EXPH5: variants seen among roughly 807,000 people sequenced by gnomAD.
The protein encoded by EXPH5 is exophilin-5.
In EXPH5, 42 loss-of-function variants were observed where a neutral mutation model predicts 41.1. The ratio of observed to expected loss-of-function variants is 1.02; its 90% CI spans 0.80 to 1.32. The LOEUF (loss-of-function observed/expected upper bound fraction) is 1.32, where lower values mean the gene tolerates loss of function less well. EXPH5 is among the 40% of genes most tolerant of loss of function. The pLI, the probability that EXPH5 is intolerant of heterozygous loss-of-function variation, is 0.00. For missense variants in EXPH5, 2,298 were observed against 2,314.5 expected (o/e 0.99, Z 0.15); for synonymous variants, 798 against 833.5 (o/e 0.96, Z 0.73).
intron 1 of EXPH5, among the ~76,000 whole-genome samples, chr11:108,550,083 G>A (rs993109099): frequency 6.6e-6 from 1 of 152,202 alleles, no homozygotes; most frequent in Non-Finnish European, 1.5e-5. Flanking sequence ...GACAACTACT[G>A]TTAAGAGGCA....
At chr11:108,542,695 T>C (rs191297722) in intron 1 of EXPH5, among the ~76,000 whole-genome samples, 218 of 152,230 alleles carry the variant, frequency 1.4e-3, no homozygotes, top group African/African-American at 5.0e-3. Context: ...AGAAAAGAAA[T>C]TATTGAATGT....
chr11:108,583,984 G>A (rs2094106342), intron 1 of EXPH5, among the ~76,000 whole-genome samples: 1 of 152,106 alleles, frequency 6.6e-6, no homozygotes, highest in South Asian at 2.1e-4. Context: ...AAGTGGTAGG[G>A]TACAAGATCA....
chr11:108,600,097 A>T, the EXPH5 span, among the ~76,000 whole-genome samples: 1 of 152,158 alleles, frequency 6.6e-6, no homozygotes, highest in African/African-American at 2.4e-5. Flanking sequence ...TATTGTATGG[A>T]GATGGGGGAA....
At position 108,539,281 on chromosome 11, in the gene EXPH5, C is replaced by T. The variant is rs1591712554; in HGVS notation, c.281-95G>A. On this transcript the variant is annotated intron_variant, in intron 2 of 5. Coordinates refer to ENST00000265843, the MANE Select transcript of EXPH5 (RefSeq NM_015065.3). ...TTTGCTCTTGTGTCACTTTCTCCCTCTTATGCAGACTAGAAACAGGGCAGG... is the reference window on the plus strand; with the variant it reads ...TTTGCTCTTGTGTCACTTTCTCCCTTTTATGCAGACTAGAAACAGGGCAGG... 5.5e-6 allele frequency: 5 copies of T among 914,602 alleles called. No homozygotes were observed. In the East Asian group the frequency reaches 1.0e-4, roughly 18 times the overall value. 56.7% of individuals were successfully genotyped at this position (914,602 alleles called of 1,614,324 possible).
chr11:108,593,544 A>G lies in EXPH5; in HGVS notation c.-8T>C. On this transcript the variant is annotated 5_prime_UTR_variant, in exon 1 of 6. Coordinates refer to ENST00000265843, the MANE Select transcript of EXPH5 (RefSeq NM_015065.3). ...CGGAGGAACTTTCGTCATTTTCTTT[A>G]CTGTGTGTGAGTTACACTTAAGCTC... The G allele has an allele frequency of 6.2e-7, 1 of 1,614,124 alleles. No homozygotes were observed. Among genetic ancestry groups the G allele is most frequent in the African/African-American group, 1.3e-5 (1 of 75,024 alleles).
chr11:108,587,158 A>C (rs1264495286), intron 1 of EXPH5, among the ~76,000 whole-genome samples: 4 of 152,172 alleles, frequency 2.6e-5, no homozygotes, highest in Non-Finnish European at 5.9e-5. Context: ...GTTTTAGGGT[A>C]CATGTGCACA....
intron 1 of EXPH5, among the ~76,000 whole-genome samples, chr11:108,583,865 TAA>T (rs1355930513): frequency 1.3e-5 from 2 of 151,908 alleles, no homozygotes; most frequent in Non-Finnish European, 2.9e-5. Context: ...AAGGAAAAAA[TAA>T]AACCATCACC....
intron 1 of EXPH5, among the ~76,000 whole-genome samples, chr11:108,545,461 A>G (rs1160364477): frequency 6.6e-6 from 1 of 152,158 alleles, no homozygotes; most frequent in Non-Finnish European, 1.5e-5. Flanking sequence ...TCCAATAACA[A>G]TATTGATATA....
chr11:108,561,138 C>G (rs948066504), intron 1 of EXPH5, among the ~76,000 whole-genome samples: 9 of 152,006 alleles, frequency 5.9e-5, no homozygotes, highest in African/African-American at 2.2e-4. Flanking sequence ...AGCCTATTTC[C>G]CAAAAATGAA....
intron 3 of EXPH5, among the ~76,000 whole-genome samples, chr11:108,530,202 G>C (rs960007448): frequency 6.6e-6 from 1 of 152,052 alleles, no homozygotes; most frequent in Admixed American, 6.6e-5. Context: ...GTTAAATACT[G>C]CTTTTATTTT....
chr11:108,522,038 A>G (rs1010841731), intron 4 of EXPH5, among the ~76,000 whole-genome samples: 1 of 152,102 alleles, frequency 6.6e-6, no homozygotes, highest in Admixed American at 6.6e-5. Context: ...CTCTGGTTTT[A>G]TTTCTGCCCA....
chr11:108,593,054 C>A (rs889564219), intron 1 of EXPH5, among the ~76,000 whole-genome samples: 8 of 152,202 alleles, frequency 5.3e-5, no homozygotes, highest in African/African-American at 1.7e-4. Context: ...CTCTCCAGAT[C>A]GCGCCCCCGC....
At chr11:108,565,807 C>T (rs533203331) in intron 1 of EXPH5, among the ~76,000 whole-genome samples, 2 of 152,262 alleles carry the variant, frequency 1.3e-5, no homozygotes, top group East Asian at 1.9e-4. Flanking sequence ...CCTATGACTC[C>T]GTCATTTAAA....
intron 1 of EXPH5, among the ~76,000 whole-genome samples, chr11:108,543,196 A>G (rs1395249133): frequency 6.6e-6 from 1 of 152,100 alleles, no homozygotes; most frequent in Non-Finnish European, 1.5e-5. Context: ...CTGAAATCCT[A>G]TTACTTTTTT....
intron 4 of EXPH5, among the ~76,000 whole-genome samples, chr11:108,518,887 C>T (rs994366999): frequency 3.9e-5 from 6 of 152,280 alleles, no homozygotes; most frequent in African/African-American, 1.2e-4. Flanking sequence ...TCTGGTCGTC[C>T]TAACTGCTAC....
At position 108,512,576 on chromosome 11, in the gene EXPH5, C is replaced by A. The variant is rs116292328; in HGVS notation, c.2931G>T (p.Arg977Ser). 1.9e-6 allele frequency: 3 copies of A among 1,612,112 alleles called. No individual in the cohort carries two copies. The highest frequency in any genetic ancestry group is 1.7e-5 in the Admixed American group (1 of 59,588). ...FRNERGKGKIRHHISCIEKLS... is the reference protein window; with the variant it reads ...FRNERGKGKISHHISCIEKLS... The stretch of plus-strand genomic sequence containing the variant: ...ACTTTTCAATACAGGATATATGATG[C>A]CTTATTTTTCCTTTTCCTCTTTCAT... Residue 977 changes from arginine (R) to serine (S), a missense_variant, in exon 6 of 6, where the codon AGG becomes AGT. Transcript: ENST00000265843.
intron 1 of EXPH5, among the ~76,000 whole-genome samples, chr11:108,573,139 GGAAAGAAAGAAAGAAA>G (rs3054581): frequency 0.018 from 1,669 of 90,526 alleles, 26 homozygotes; most frequent in African/African-American, 0.058. Flanking sequence ...AAGGAAAGAA[GGAAAGAAAGAAAGAAA>G]GAAAGAAAGA....
chr11:108,572,260 CTAAA>C (rs2094062983), intron 1 of EXPH5, among the ~76,000 whole-genome samples: 1 of 152,170 alleles, frequency 6.6e-6, no homozygotes. Context: ...AGTTGCCTGA[CTAAA>C]TAGCTCCGGG....
At chr11:108,596,918 A>T (rs1442344292), upstream of EXPH5, among the ~76,000 whole-genome samples, 1 of 152,188 alleles carries the variant, frequency 6.6e-6, no homozygotes, top group Non-Finnish European at 1.5e-5. Context: ...TTATGGGCTT[A>T]TTTAGCCGGA....
Sources: allele counts gnomAD v4.1 joint callset (sites outside exome capture counted in the v4.1 genomes callset), GRCh38; gene constraint gnomAD v4.1.1; transcripts MANE v1.5; gene names NCBI Gene and HGNC (gene_info 2026-07-23, HGNC 2026-07-21).